The following OR10R2 variants were observed in gnomAD, a reference collection of about 807,000 sequenced individuals.
The protein encoded by OR10R2 is olfactory receptor family 10 subfamily R member 2.
OR10R2 carries 1 observed loss-of-function variant against 2.4 expected under a neutral mutation model. The ratio of observed to expected loss-of-function variants is 0.41; its 90% CI spans 0.15 to 1.95. The LOEUF (loss-of-function observed/expected upper bound fraction) is 1.95, where lower values mean the gene tolerates loss of function less well. OR10R2 is among the 30% of genes most tolerant of loss of function. The probability of loss-of-function intolerance (pLI) is 0.30; values close to 1 mark genes in which losing one functional copy is unlikely to be tolerated. For missense variants in OR10R2, 419 were observed against 373.0 expected, an observed-to-expected ratio of 1.12 and a Z score of -1.01; for synonymous variants, 166 against 144.8, an observed-to-expected ratio of 1.15 and a Z score of -1.05.
intron 1 of OR10R2, among the ~76,000 whole-genome samples, chr1:158,476,460 A>C (rs1262484069): frequency 1.3e-5 from 2 of 149,288 alleles, no homozygotes. Flanking sequence ...AGGCAGGAGA[A>C]TTGCTTGAAC....
exon 2 of OR10R2, chr1:158,480,077 G>A: frequency 6.2e-7 from 1 of 1,613,752 alleles, no homozygotes; most frequent in East Asian, 2.2e-5. Flanking sequence ...ACCATTATCA[G>A]TGTCATCCAC....
intron 1 of OR10R2, among the ~76,000 whole-genome samples, chr1:158,472,630 G>T (rs1425472465): frequency 3.3e-5 from 5 of 152,206 alleles, no homozygotes; most frequent in African/African-American, 1.2e-4. Flanking sequence ...TCATTTTAAA[G>T]ATGTTAGCTA....
In OR10R2 at chr1:158,473,944, CCTCT is replaced by C. The variant is rs367978553; in HGVS notation, c.27+1597_27+1600del. Among the ~76,000 whole-genome samples, 171 of 147,838 alleles carry C rather than the reference CCTCT, an allele frequency of 1.2e-3. 3 individuals are homozygous for C. The highest frequency in any genetic ancestry group is 4.0e-3 in the African/African-American group (159 of 39,686). Reference sequence around the variant, plus strand: ...CCCTCCCTCCCTCTCCCTCCCTCCCCCTCTCTCTTTCTTTCTTTCTTTTTCTTTT... The same window carrying C: ...CCCTCCCTCCCTCTCCCTCCCTCCCCCTCTTTCTTTCTTTCTTTTTCTTTT... On this transcript the variant is annotated intron_variant, in intron 1 of 1. Coordinates refer to ENST00000641067, the Ensembl canonical transcript of OR10R2.
chr1:158,474,238 C>T (rs1429632046), intron 1 of OR10R2, among the ~76,000 whole-genome samples: 2 of 152,088 alleles, frequency 1.3e-5, no homozygotes, highest in Non-Finnish European at 2.9e-5. Context: ...GTTCGCAATG[C>T]CATGCCTCCT....
At chr1:158,480,582 T>G (rs1323708758) in exon 2 of OR10R2, 1 of 1,613,622 alleles carries the variant, frequency 6.2e-7, no homozygotes, top group Non-Finnish European at 8.5e-7. Flanking sequence ...TGTTTATCTG[T>G]GTTTCTTATC....
At chr1:158,473,409 T>C (rs548859981) in intron 1 of OR10R2, among the ~76,000 whole-genome samples, 1 of 152,348 alleles carries the variant, frequency 6.6e-6, no homozygotes, top group South Asian at 2.1e-4. Flanking sequence ...TAAAGATCTT[T>C]GGTTTGTTCA....
intron 1 of OR10R2, among the ~76,000 whole-genome samples, chr1:158,478,202 C>A (rs1007022740): frequency 6.6e-6 from 1 of 152,134 alleles, no homozygotes; most frequent in African/African-American, 2.4e-5. Context: ...CTCTAAAAAT[C>A]CTAGACGAAA....
At chr1:158,472,694 T>C (rs79315888) in intron 1 of OR10R2, among the ~76,000 whole-genome samples, 6,420 of 152,278 alleles carry the variant, frequency 0.042, 439 homozygotes, top group African/African-American at 0.14. Context: ...TTTCTTCAAA[T>C]TGCAGTCTAC....
At chr1:158,477,633 A>G (rs937525704) in intron 1 of OR10R2, among the ~76,000 whole-genome samples, 1 of 152,200 alleles carries the variant, frequency 6.6e-6, no homozygotes, top group Non-Finnish European at 1.5e-5. Context: ...ACTAAAAAAC[A>G]CTGCTCAAAG....
At chr1:158,475,007 G>T (rs1013056019) in intron 1 of OR10R2, among the ~76,000 whole-genome samples, 3 of 152,192 alleles carry the variant, frequency 2.0e-5, no homozygotes, top group African/African-American at 7.2e-5. Context: ...AGCAGGTGTT[G>T]TTCTCAGCAC....
chr1:158,478,030 A>C (rs953909997), intron 1 of OR10R2, among the ~76,000 whole-genome samples: 2 of 152,184 alleles, frequency 1.3e-5, no homozygotes, highest in Non-Finnish European at 2.9e-5. Flanking sequence ...ATCTTCAACA[A>C]GGCTGACAAG....
At position 158,480,468 on chromosome 1, in the gene OR10R2, C is replaced by G; in HGVS notation, c.558C>G (p.Tyr186Ter). ...GTAGCGCCAACAAAGTCAATCATTA[C>G]TTCTGTGACATCTCAGCAGTCATTC... The change falls in exon 2 of 2, where the codon TAC (tyrosine) becomes TAG (stop). Residue 186 changes from tyrosine to a stop codon, truncating the protein, a stop_gained. Coordinates refer to ENST00000641067, the Ensembl canonical transcript of OR10R2. LOFTEE classifies it low-confidence loss of function (END_TRUNC). 1 of 1,613,526 alleles carries G rather than the reference C, an allele frequency of 6.2e-7. No homozygotes were observed. The highest frequency in any genetic ancestry group is 1.1e-5 in the South Asian group (1 of 91,070).
intron 1 of OR10R2, among the ~76,000 whole-genome samples, chr1:158,479,116 G>T (rs1189068113): frequency 6.6e-6 from 1 of 152,086 alleles, no homozygotes; most frequent in African/African-American, 2.4e-5. Flanking sequence ...AACACTTAAA[G>T]ATCCTAGAGT....
intron 1 of OR10R2, among the ~76,000 whole-genome samples, chr1:158,475,593 T>C (rs992065116): frequency 1.3e-5 from 2 of 151,802 alleles, no homozygotes; most frequent in Non-Finnish European, 2.9e-5. Context: ...AAGTTTGTTA[T>C]TTTCTCCATC....
At position 158,475,576 on chromosome 1, in the gene OR10R2, T is replaced by C. The variant is rs576518656; in HGVS notation, c.27+3224T>C. ...AAACTGTATGCTTTTATCTGTTTTC[T>C]TCTTCAAAGTTTGTTATTTTCTCCA... On this transcript the variant is annotated intron_variant, in intron 1 of 1. Transcript: ENST00000641067. Among the ~76,000 whole-genome samples, 52 of 151,958 alleles carry C rather than the reference T, an allele frequency of 3.4e-4. 1 individual carries two copies. The South Asian group carries it at 0.011, about 32-fold the overall frequency.
chr1:158,480,038 T>A, exon 2 of OR10R2: 1 of 1,614,122 alleles, frequency 6.2e-7, no homozygotes, highest in Non-Finnish European at 8.5e-7. Flanking sequence ...TTTCTTTTTC[T>A]GTATCTAGTC....
chr1:158,476,325 A>G (rs1249245671), intron 1 of OR10R2, among the ~76,000 whole-genome samples: 1 of 152,058 alleles, frequency 6.6e-6, no homozygotes, highest in Admixed American at 6.6e-5. Flanking sequence ...AGGTGGGCAG[A>G]TCACGAGGTC....
chr1:158,473,636 G>A (rs1360532681), intron 1 of OR10R2, among the ~76,000 whole-genome samples: 1 of 152,096 alleles, frequency 6.6e-6, no homozygotes, highest in African/African-American at 2.4e-5. Context: ...TAAAACATTG[G>A]GATAAAATCT....
At chr1:158,480,813 C>T in exon 2 of OR10R2, 2 of 1,609,208 alleles carry the variant, frequency 1.2e-6, no homozygotes, top group Non-Finnish European at 1.7e-6. Context: ...TTTATAGCCT[C>T]AGAAACAAGG....
Sources: gnomAD v4.1 joint callset for allele counts (sites outside exome capture counted in the v4.1 genomes callset) on GRCh38, gnomAD v4.1.1 for gene constraint, MANE v1.5 for transcripts, NCBI Gene and HGNC (gene_info 2026-07-23, HGNC 2026-07-21) for gene names.